The following SDK1 variants were observed in gnomAD, a reference collection of about 807,000 sequenced individuals.
SDK1 encodes the protein sidekick cell adhesion molecule 1.
Under a neutral mutation model 245.5 loss-of-function variants are expected in SDK1, and 157 were observed. The ratio of observed to expected loss-of-function variants is 0.64; its 90% CI spans 0.56 to 0.73. The LOEUF (loss-of-function observed/expected upper bound fraction) is 0.73. Among genes scored for constraint, SDK1 ranks in the 30% least tolerant of loss-of-function variants. The probability of loss-of-function intolerance (pLI) is 0.00; values close to 1 mark genes in which losing one functional copy is unlikely to be tolerated. For synonymous variants in SDK1, 1,647 were observed against 1,278.5 expected (o/e 1.29, Z -6.15); for missense variants, 3,583 against 3,002.3 (o/e 1.19, Z -4.52).
chr7:3,988,646 A>G lies in SDK1; in HGVS notation c.2131+1324A>G, dbSNP rs949296117. On this transcript the variant is annotated intron_variant, in intron 14 of 44. Transcript: ENST00000404826. ...TGTTGACTCCCTGAATGGGCCAAATATCTCATCTCATGGCATGTTCCTTCC... is the reference window on the plus strand; with the variant it reads ...TGTTGACTCCCTGAATGGGCCAAATGTCTCATCTCATGGCATGTTCCTTCC... Among the ~76,000 whole-genome samples the G allele has an allele frequency of 2.6e-5, 4 of 152,060 alleles. No homozygotes were observed. In the East Asian group the frequency reaches 5.8e-4, roughly 22 times the overall value.
In SDK1 at chr7:4,268,522, A is replaced by G. The variant is rs539702263; in HGVS notation, c.*3138A>G. The G allele has an allele frequency of 1.6e-4, 198 of 1,226,636 alleles. 1 individual carries two copies. The South Asian group carries it at 2.7e-3, about 17-fold the overall frequency. The allele number at this position is 1,226,636 out of a possible 1,614,324, so 76.0% of individuals were successfully genotyped here. A position where few individuals can be genotyped will look rare whatever the true frequency, so the allele number is the denominator to read the frequency against. On this transcript the variant is annotated 3_prime_UTR_variant, in exon 45 of 45. Coordinates refer to ENST00000404826, the MANE Select transcript of SDK1 (RefSeq NM_152744.4). The stretch of plus-strand genomic sequence containing the variant: ...CCAGGGAGAGGGGACCCAGATGGCC[A>G]CACACGGAACGCGCCTCCACAGCCC...
intron 1 of SDK1, among the ~76,000 whole-genome samples, chr7:3,329,456 A>G (rs1780014610): frequency 6.6e-6 from 1 of 152,128 alleles, no homozygotes; most frequent in Non-Finnish European, 1.5e-5. Flanking sequence ...GAGTTGTGCA[A>G]CTCTCAGTAG....
intron 44 of SDK1, among the ~76,000 whole-genome samples, chr7:4,263,516 C>G (rs1310982020): frequency 2.0e-5 from 2 of 98,940 alleles, no homozygotes; most frequent in African/African-American, 8.2e-5. Context: ...ACGTAGACCT[C>G]TCCTGAGTGG....
intron 4 of SDK1, among the ~76,000 whole-genome samples, chr7:3,653,088 A>G (rs1334536022): frequency 6.6e-6 from 1 of 152,200 alleles, no homozygotes; most frequent in East Asian, 1.9e-4. Context: ...GCAGATGAGA[A>G]AAGTCGCAGG....
intron 1 of SDK1, among the ~76,000 whole-genome samples, chr7:3,618,143 C>T (rs1164151156): frequency 6.6e-6 from 1 of 152,068 alleles, no homozygotes; most frequent in East Asian, 1.9e-4. Flanking sequence ...AAGTGTGCTG[C>T]ATCCATATTA....
intron 4 of SDK1, among the ~76,000 whole-genome samples, chr7:3,644,793 C>A (rs7782342): frequency 0.42 from 45,489 of 108,178 alleles, 10,201 homozygotes; most frequent in African/African-American, 0.55. Flanking sequence ...AAAAAAAAAA[C>A]AAAAAACAAC....
In SDK1 at chr7:3,950,872, G is replaced by C. The variant is rs1485037847; in HGVS notation, c.848-51G>C. The C allele has an allele frequency of 2.8e-6, 4 of 1,405,476 alleles. No individual in the cohort carries two copies. In the East Asian group the frequency reaches 7.3e-5, roughly 26 times the overall value. 87.1% of individuals were successfully genotyped at this position (1,405,476 alleles called of 1,614,324 possible). On this transcript the variant is annotated intron_variant, in intron 5 of 44. Coordinates refer to ENST00000404826, the MANE Select transcript of SDK1 (RefSeq NM_152744.4). The stretch of plus-strand genomic sequence containing the variant: ...CGTGTCCCCTCAGATAACGGCGGGG[G>C]GTGCTCCTGTACTTAGAGTTTCATG...
intron 1 of SDK1, among the ~76,000 whole-genome samples, chr7:3,419,628 A>G (rs189309278): frequency 6.6e-6 from 1 of 152,312 alleles, no homozygotes; most frequent in East Asian, 1.9e-4. Context: ...CAGGTATCCT[A>G]GTCATCTTTC....
In SDK1 at chr7:3,679,598, A is replaced by G. The variant is rs187352177; in HGVS notation, c.713+37493A>G. Among the ~76,000 whole-genome samples, 125 of 152,296 alleles carry G rather than the reference A, an allele frequency of 8.2e-4. 1 individual carries two copies. The highest frequency in any genetic ancestry group is 3.0e-3 in the African/African-American group (123 of 41,552). ...GAAAAGAAAATGGGCAAAGGAGATT[A>G]ATAGACATTTCATGGAAGAGGATAT... On this transcript the variant is annotated intron_variant, in intron 4 of 44. Coordinates refer to ENST00000404826, the MANE Select transcript of SDK1 (RefSeq NM_152744.4).
At chr7:3,449,173 G>C (rs190385165) in intron 1 of SDK1, among the ~76,000 whole-genome samples, 1 of 152,306 alleles carries the variant, frequency 6.6e-6, no homozygotes, top group Admixed American at 6.5e-5. Flanking sequence ...TCCAAGTAAA[G>C]CTGTGTGTCA....
intron 1 of SDK1, among the ~76,000 whole-genome samples, chr7:3,452,836 C>T (rs1169901730): frequency 6.6e-6 from 1 of 152,136 alleles, no homozygotes; most frequent in Non-Finnish European, 1.5e-5. Flanking sequence ...TCTTCCCATT[C>T]CTGCCTAGGT....
intron 4 of SDK1, among the ~76,000 whole-genome samples, chr7:3,811,159 A>C (rs1294008517): frequency 6.6e-6 from 1 of 152,036 alleles, no homozygotes; most frequent in Non-Finnish European, 1.5e-5. Flanking sequence ...TCACCTCACT[A>C]CCGATTTGCA....
intron 5 of SDK1, among the ~76,000 whole-genome samples, chr7:3,940,896 ACT>A (rs1330635251): frequency 6.6e-6 from 1 of 151,894 alleles, no homozygotes; most frequent in Non-Finnish European, 1.5e-5. Context: ...CACTCCTCAC[ACT>A]CTCATGGAGT....
At chr7:3,487,255 C>A (rs1781728794) in intron 1 of SDK1, among the ~76,000 whole-genome samples, 1 of 152,104 alleles carries the variant, frequency 6.6e-6, no homozygotes, top group African/African-American at 2.4e-5. Context: ...GTCTGTTAAC[C>A]TTTTGGGTAG....
intron 35 of SDK1, among the ~76,000 whole-genome samples, chr7:4,200,393 T>A (rs146599630): frequency 2.4e-4 from 37 of 152,354 alleles, no homozygotes; most frequent in Middle Eastern, 6.8e-3. Context: ...ATGATCCCAG[T>A]ATAGCAACCT....
chr7:3,356,011 C>T (rs1026431981), intron 1 of SDK1, among the ~76,000 whole-genome samples: 7 of 152,208 alleles, frequency 4.6e-5, no homozygotes, highest in Admixed American at 2.0e-4. Flanking sequence ...AACAAATAGA[C>T]ACCTTATAGT....
At position 3,488,307 on chromosome 7, in the gene SDK1, T is replaced by G. The variant is rs554967681; in HGVS notation, c.299-130773T>G. 3.3e-5 allele frequency among the ~76,000 whole-genome samples: 5 copies of G among 152,314 alleles called. No homozygotes were observed. The South Asian group carries it at 1.0e-3, about 32-fold the overall frequency. On this transcript the variant is annotated intron_variant, in intron 1 of 44. Transcript: ENST00000404826. ...TTTCTGTGCTTTCTCTTTCTTTAAC[T>G]TCTTTTTTTGATATGCAGCGTCCTT... is the stretch of plus-strand genomic sequence containing the variant.
intron 4 of SDK1, among the ~76,000 whole-genome samples, chr7:3,807,764 G>C (rs964882315): frequency 2.0e-5 from 3 of 152,182 alleles, no homozygotes; most frequent in Admixed American, 6.5e-5. Context: ...CACAGGCTGG[G>C]AGGCTGGGTT....
At chr7:3,516,876 G>A (rs537828051) in intron 1 of SDK1, among the ~76,000 whole-genome samples, 2 of 152,190 alleles carry the variant, frequency 1.3e-5, no homozygotes, top group East Asian at 3.9e-4. Context: ...ATTATTTGGG[G>A]ACATGAAAAA....
Sources: allele counts gnomAD v4.1 joint callset (sites outside exome capture counted in the v4.1 genomes callset), GRCh38; gene constraint gnomAD v4.1.1; transcripts MANE v1.5; gene names NCBI Gene and HGNC (gene_info 2026-07-23, HGNC 2026-07-21).